CKAP2L: variants seen among roughly 807,000 people sequenced by gnomAD.
CKAP2L encodes the protein cytoskeleton-associated protein 2-like.
CKAP2L carries 42 observed loss-of-function variants against 65.7 expected under a neutral mutation model. The ratio of observed to expected loss-of-function variants is 0.64; its 90% CI spans 0.50 to 0.83. The LOEUF is 0.83. Among genes scored for constraint, CKAP2L ranks in the 40% least tolerant of loss-of-function variants. CKAP2L has a pLI of 0.00. For synonymous variants in CKAP2L, 325 were observed against 313.5 expected (o/e 1.04, Z -0.39); for missense variants, 908 against 871.0 (o/e 1.04, Z -0.53).
At chr2:112,746,875 C>T (rs1680218210) in intron 5 of CKAP2L, among the ~76,000 whole-genome samples, 2 of 151,882 alleles carry the variant, frequency 1.3e-5, no homozygotes, top group Admixed American at 6.6e-5. Flanking sequence ...GCAACCTCCA[C>T]CTCCCAGGTT....
chr2:112,749,591 T>C (rs1193550781), intron 5 of CKAP2L, among the ~76,000 whole-genome samples: 1 of 149,116 alleles, frequency 6.7e-6, no homozygotes, highest in African/African-American at 2.4e-5. Context: ...TACAATGCAA[T>C]ATAATTAGAA....
chr2:112,764,397 C>G (rs898487702), intron 1 of CKAP2L, among the ~76,000 whole-genome samples, 165 bp downstream of exon 1: 1 of 152,228 alleles, frequency 6.6e-6, no homozygotes, highest in Non-Finnish European at 1.5e-5. Context: ...ACCCAGACGT[C>G]TACCTGGGGG....
In CKAP2L at chr2:112,757,224, CA is replaced by C. The variant is rs1273073043; in HGVS notation, c.157-11del. 1 of 1,548,524 alleles carries C rather than the reference CA, an allele frequency of 6.5e-7. No individual in the cohort carries two copies. The highest frequency in any genetic ancestry group is 8.7e-7 in the Non-Finnish European group (1 of 1,144,704). ...TTTTGGGTCTAATAGTCTGAAAAAACAAAGAAAATACATATTAAAAAATCCT... is the reference window on the plus strand; with the variant it reads ...TTTTGGGTCTAATAGTCTGAAAAAACAAGAAAATACATATTAAAAAATCCT... On this transcript the variant is annotated splice_polypyrimidine_tract_variant and intron_variant, in intron 3 of 8. Coordinates refer to ENST00000302450, the MANE Select transcript of CKAP2L (RefSeq NM_152515.5).
In CKAP2L at chr2:112,757,105, T is replaced by C; in HGVS notation, c.266A>G (p.Gln89Arg). 4 of 1,614,228 alleles carry C rather than the reference T, an allele frequency of 2.5e-6. No individual in the cohort carries two copies. The highest frequency in any genetic ancestry group is 2.5e-6 in the Non-Finnish European group (3 of 1,180,028). The change falls in exon 4 of 9, where the codon CAG becomes CGG. Residue 89 changes from glutamine (Q) to arginine (R), a missense_variant. By Grantham distance (43) the Gln-to-Arg change is conservative. Coordinates refer to ENST00000302450, the MANE Select transcript of CKAP2L (RefSeq NM_152515.5). ...TTTTGGTGGCTCCAACTTCGGCTTC[T>C]GGGACCCTGCAGTATTAGGTGGTCT... ...QPRPPNTAGSQKPKLEPPKLL... is the reference protein window; with the variant it reads ...QPRPPNTAGSRKPKLEPPKLL...
chr2:112,755,881 G>T, intron 4 of CKAP2L, 96 bp downstream of exon 4: 1 of 1,154,970 alleles, frequency 8.7e-7, no homozygotes, highest in Non-Finnish European at 1.2e-6. Flanking sequence ...TTACTTAGGA[G>T]CCATTATTTA....
Position 112,756,713 on chromosome 2 carries a change from T to A in CKAP2L, c.658A>T (p.Ser220Cys), listed in dbSNP as rs766519512. 6.3e-7 allele frequency: 1 copy of A among 1,592,020 alleles called. No homozygotes were observed. The highest frequency in any genetic ancestry group is 8.5e-7 in the Non-Finnish European group (1 of 1,172,476). ...KTDSYNQTKN[S>C]LVPKQALGKS... is the part of the protein sequence containing the mutation. Reference sequence around the variant, plus strand: ...CCCAAGGCTTGTTTAGGAACTAAACTGTTCTTGGTTTGATTATAAGAGTCA... The same window carrying A: ...CCCAAGGCTTGTTTAGGAACTAAACAGTTCTTGGTTTGATTATAAGAGTCA... The change falls in exon 4 of 9, where the codon AGT (serine) becomes TGT (cysteine). Residue 220 changes from serine to cysteine, a missense_variant. Ser to Cys is a moderately radical substitution (Grantham distance 112, BLOSUM62 -1). Coordinates refer to ENST00000302450, the MANE Select transcript of CKAP2L (RefSeq NM_152515.5).
rs1034328100 is a variant in CKAP2L at position 112,757,904 on chromosome 2, T to C, written c.157-690A>G. Among the ~76,000 whole-genome samples the C allele has an allele frequency of 1.1e-4, 17 of 152,182 alleles. 1 individual carries two copies. Among genetic ancestry groups the C allele is most frequent in the Admixed American group, 1.1e-3 (17 of 15,278 alleles). ...CATAATGAACTTATGTTAGGGTACCTCCCAACAAATCTCTCCTAGTACTTT... is the reference window on the plus strand; with the variant it reads ...CATAATGAACTTATGTTAGGGTACCCCCCAACAAATCTCTCCTAGTACTTT... On this transcript the variant is annotated intron_variant, in intron 3 of 8. Transcript: ENST00000302450.
intron 5 of CKAP2L, among the ~76,000 whole-genome samples, 194 bp from the exon 6 acceptor site, chr2:112,746,769 A>G (rs1052659652): frequency 2.0e-5 from 3 of 152,104 alleles, no homozygotes; most frequent in African/African-American, 7.2e-5. Flanking sequence ...ATCCATTTTA[A>G]TGATTTGAGA....
At chr2:112,762,413 TA>T in intron 2 of CKAP2L, 89 bp downstream of exon 2, 1 of 974,650 alleles carries the variant, frequency 1.0e-6, no homozygotes, top group Non-Finnish European at 1.7e-6. Flanking sequence ...GAGTAGACTC[TA>T]AGCAAAAGGG....
chr2:112,739,324 A>G (rs1679679220), intron 8 of CKAP2L, among the ~76,000 whole-genome samples: 1 of 152,054 alleles, frequency 6.6e-6, no homozygotes, highest in Admixed American at 6.6e-5. Flanking sequence ...AGGAGGGTGA[A>G]GTGGGAGGAC....
intron 6 of CKAP2L, 57 bp from the exon 7 acceptor site, chr2:112,742,826 C>T: frequency 2.4e-6 from 3 of 1,256,018 alleles, no homozygotes; most frequent in Non-Finnish European, 3.4e-6. Flanking sequence ...AAAAAATTTG[C>T]TAAGGAACTT....
At chr2:112,739,083 T>C (rs779902238) in intron 8 of CKAP2L, 35 bp from the exon 9 acceptor site, 4 of 1,476,030 alleles carry the variant, frequency 2.7e-6, no homozygotes, top group Non-Finnish European at 3.7e-6. Flanking sequence ...AAAAACCTTA[T>C]CATTTAAAAA....
intron 4 of CKAP2L, 86 bp from the exon 5 acceptor site, chr2:112,752,560 A>G: frequency 1.3e-6 from 1 of 794,258 alleles, no homozygotes; most frequent in African/African-American, 1.8e-5. Flanking sequence ...TAGATAGAGT[A>G]TAATTAAATA....
intron 5 of CKAP2L, among the ~76,000 whole-genome samples, chr2:112,749,842 C>A (rs1360178962): frequency 6.6e-6 from 1 of 152,114 alleles, no homozygotes; most frequent in Non-Finnish European, 1.5e-5. Context: ...TCAGCTCTGC[C>A]AGCAGGGGGC....
intron 4 of CKAP2L, among the ~76,000 whole-genome samples, chr2:112,754,523 G>A (rs574846673): frequency 6.6e-6 from 1 of 152,206 alleles, no homozygotes; most frequent in Non-Finnish European, 1.5e-5. Flanking sequence ...CTTACTCCTA[G>A]GACCTCGATG....
chr2:112,744,238 G>A (rs1680127665), intron 6 of CKAP2L, among the ~76,000 whole-genome samples: 1 of 152,146 alleles, frequency 6.6e-6, no homozygotes, highest in Non-Finnish European at 1.5e-5. Flanking sequence ...TTAAGAAGAG[G>A]CAATAACCAC....
At chr2:112,749,901 T>C (rs914137740) in intron 5 of CKAP2L, among the ~76,000 whole-genome samples, 1 of 152,166 alleles carries the variant, frequency 6.6e-6, no homozygotes, top group South Asian at 2.1e-4. Context: ...TGCTTCTTCC[T>C]ATTTGCTTTC....
At chr2:112,741,936 TTC>T (rs1679996581) in intron 7 of CKAP2L, among the ~76,000 whole-genome samples, 1 of 143,280 alleles carries the variant, frequency 7.0e-6, no homozygotes, top group African/African-American at 2.6e-5. Flanking sequence ...AATTTTTCTT[TTC>T]TGTTTTTTTT....
At chr2:112,758,151 A>G (rs1273280395) in intron 3 of CKAP2L, among the ~76,000 whole-genome samples, 2 of 152,224 alleles carry the variant, frequency 1.3e-5, no homozygotes, top group Non-Finnish European at 2.9e-5. Flanking sequence ...AGTCTATGTT[A>G]ATAATAAACA....
Sources: gnomAD v4.1 joint callset for allele counts (sites outside exome capture counted in the v4.1 genomes callset) on GRCh38, gnomAD v4.1.1 for gene constraint, MANE v1.5 for transcripts, NCBI Gene and HGNC (gene_info 2026-07-23, HGNC 2026-07-21) for gene names.